Variants in VWA3A observed in about 807,000 individuals in gnomAD.
VWA3A encodes von Willebrand factor A domain-containing protein 3A.
VWA3A carries 134 observed loss-of-function variants against 160.4 expected under a neutral mutation model. That is an observed-to-expected ratio of 0.84 (90% confidence interval 0.73 to 0.96). VWA3A has a LOEUF of 0.96. Ranked by LOEUF, VWA3A falls within the 40% of genes least tolerant of loss-of-function variation. The pLI, the probability that VWA3A is intolerant of heterozygous loss-of-function variation, is 0.00. For missense variants in VWA3A, 1,310 were observed against 1,447.9 expected, an observed-to-expected ratio of 0.90 and a Z score of 1.55; for synonymous variants, 476 against 543.4, an observed-to-expected ratio of 0.88 and a Z score of 1.72.
intron 31 of VWA3A, among the ~76,000 whole-genome samples, chr16:22,153,867 G>T (rs1336576614): frequency 4.0e-5 from 6 of 151,872 alleles, no homozygotes; most frequent in South Asian, 2.1e-4. Flanking sequence ...AGCCTGCAGA[G>T]TAGCTGGGAT....
At position 22,142,666 on chromosome 16, in the gene VWA3A, A is replaced by T; in HGVS notation, c.2495-2A>T. Reference sequence around the variant, plus strand: ...GCAATGACCTCACTCTGCTTCTTCTAGGCTCAGTGTACAAGAAGTACCCTC... The same window carrying T: ...GCAATGACCTCACTCTGCTTCTTCTTGGCTCAGTGTACAAGAAGTACCCTC... On this transcript the variant is annotated splice_acceptor_variant, in intron 24 of 33. Coordinates refer to ENST00000389398, the MANE Select transcript of VWA3A (RefSeq NM_173615.5). LOFTEE classifies it high-confidence loss of function. 2 of 1,560,324 alleles carry T rather than the reference A, an allele frequency of 1.3e-6. No homozygotes were observed. Among genetic ancestry groups the T allele is most frequent in the Non-Finnish European group, 1.7e-6 (2 of 1,150,990 alleles).
At chr16:22,114,026 A>AG (rs1419517564) in intron 8 of VWA3A, among the ~76,000 whole-genome samples, 1 of 151,730 alleles carries the variant, frequency 6.6e-6, no homozygotes, top group African/African-American at 2.4e-5. Context: ...AATGGCTTTG[A>AG]GAAAAAAAAA....
intron 17 of VWA3A, among the ~76,000 whole-genome samples, chr16:22,128,323 T>C (rs1171382461): frequency 6.6e-6 from 1 of 152,204 alleles, no homozygotes; most frequent in Admixed American, 6.5e-5. Flanking sequence ...GAGACCAGTT[T>C]GACTATTGCA....
Position 22,116,796 on chromosome 16 carries a change from C to G in VWA3A, c.853C>G (p.Gln285Glu), listed in dbSNP as rs1480176831. Residue 285 changes from glutamine (Q) to glutamate (E), a missense_variant, in exon 10 of 34, where the codon CAG becomes GAG. Transcript: ENST00000389398. ...QPSEILSDYI[Q>E]QSTMGRDLII... ...TTCTGAAATCCTGTCTGACTACATC[C>G]AGCAGTCCACCATGGGAAGAGACCT... is the stretch of plus-strand genomic sequence containing the variant. 8 of 1,613,452 alleles carry G rather than the reference C, an allele frequency of 5.0e-6. No individual in the cohort carries two copies. Among genetic ancestry groups the G allele is most frequent in the Non-Finnish European group, 6.8e-6 (8 of 1,179,890 alleles).
At position 22,138,005 on chromosome 16, in the gene VWA3A, CT is replaced by C. The variant is rs2046075147; in HGVS notation, c.2140-353del. ...GATAACTAGATTTTTGTCCAGAATT[CT>C]TGTTAACTCTGTGATGACAGCTTCA... is the stretch of plus-strand genomic sequence containing the variant. On this transcript the variant is annotated intron_variant, in intron 21 of 33. Transcript: ENST00000389398. 3.9e-5 allele frequency among the ~76,000 whole-genome samples: 6 copies of C among 152,250 alleles called. No homozygotes were observed. In the South Asian group the frequency reaches 1.2e-3, roughly 32 times the overall value.
At chr16:22,107,957 T>C (rs1355860269) in intron 6 of VWA3A, among the ~76,000 whole-genome samples, 1 of 152,200 alleles carries the variant, frequency 6.6e-6, no homozygotes, top group Non-Finnish European at 1.5e-5. Context: ...TATAGTGTCC[T>C]GGAAGACATG....
chr16:22,096,159 G>GC (rs1406414237), intron 1 of VWA3A, among the ~76,000 whole-genome samples: 1 of 152,088 alleles, frequency 6.6e-6, no homozygotes, highest in Non-Finnish European at 1.5e-5. Context: ...GCATAGGACG[G>GC]CCCCCACAGC....
At chr16:22,142,939 T>C (rs955778756) in intron 25 of VWA3A, among the ~76,000 whole-genome samples, 174 bp downstream of exon 25, 2 of 151,932 alleles carry the variant, frequency 1.3e-5, no homozygotes, top group Admixed American at 6.6e-5. Context: ...TCACTTGAGG[T>C]CAGGAGTTCG....
intron 21 of VWA3A, among the ~76,000 whole-genome samples, chr16:22,136,843 T>C (rs1205640740): frequency 2.0e-5 from 3 of 151,330 alleles, no homozygotes; most frequent in Non-Finnish European, 4.4e-5. Context: ...CCATCCTGGC[T>C]AACATGGTGA....
At chr16:22,128,394 C>T (rs1398961329) in intron 17 of VWA3A, among the ~76,000 whole-genome samples, 8 of 151,972 alleles carry the variant, frequency 5.3e-5, no homozygotes, top group Non-Finnish European at 1.0e-4. Flanking sequence ...AGAAAGAGTG[C>T]GTGGCCAGTA....
Position 22,097,642 on chromosome 16 carries a change from A to C in VWA3A, c.172A>C (p.Asn58His), listed in dbSNP as rs781112090. The change falls in exon 3 of 34, where the codon AAT becomes CAT. Residue 58 changes from asparagine (N) to histidine (H), a missense_variant. Transcript: ENST00000389398. Reference protein sequence around the residue: ...KQKNMNGLGQNSDNGLLVTHV... With the variant: ...KQKNMNGLGQHSDNGLLVTHV... ...GAAGAATATGAATGGACTTGGGCAA[A>C]ATTCGGACAATGGATTATTGGTTAC... The C allele has an allele frequency of 1.9e-6, 3 of 1,551,716 alleles. No individual in the cohort carries two copies. Among genetic ancestry groups the C allele is most frequent in the Non-Finnish European group, 2.6e-6 (3 of 1,147,022 alleles).
At chr16:22,108,497 A>C (rs889477528) in intron 6 of VWA3A, among the ~76,000 whole-genome samples, 1 of 152,078 alleles carries the variant, frequency 6.6e-6, no homozygotes, top group African/African-American at 2.4e-5. Context: ...ATTTTTTTTA[A>C]TTCTCTCCAA....
intron 21 of VWA3A, among the ~76,000 whole-genome samples, chr16:22,135,579 GC>G (rs1045010493): frequency 6.6e-6 from 1 of 151,998 alleles, no homozygotes; most frequent in African/African-American, 2.4e-5. Context: ...GAGACCCAAG[GC>G]TTCAGAAGAA....
chr16:22,118,019 G>A (rs1307517733), intron 11 of VWA3A, among the ~76,000 whole-genome samples: 1 of 152,210 alleles, frequency 6.6e-6, no homozygotes, highest in Non-Finnish European at 1.5e-5. Flanking sequence ...GGTGGCTCAT[G>A]CCTGTAATCC....
intron 14 of VWA3A, 87 bp downstream of exon 14, chr16:22,121,704 G>A: frequency 9.5e-7 from 1 of 1,053,016 alleles, no homozygotes; most frequent in Non-Finnish European, 1.4e-6. Flanking sequence ...CTGGCAGTAA[G>A]AATCACCAGG....
At chr16:22,108,089 T>C (rs1222742775) in intron 6 of VWA3A, among the ~76,000 whole-genome samples, 1 of 152,150 alleles carries the variant, frequency 6.6e-6, no homozygotes, top group Non-Finnish European at 1.5e-5. Flanking sequence ...CAAAGGTCAT[T>C]GATCACCTTG....
At chr16:22,102,235 C>A (rs948748591) in intron 5 of VWA3A, among the ~76,000 whole-genome samples, 2 of 152,010 alleles carry the variant, frequency 1.3e-5, no homozygotes, top group African/African-American at 4.8e-5. Context: ...TCTATAGTTC[C>A]AGCTACTTAA....
rs2045385306 is a variant in VWA3A at position 22,100,141 on chromosome 16, CTTCCTTCCCTCTCT to C, written c.226-48_226-35del. 65 of 1,490,986 alleles carry C rather than the reference CTTCCTTCCCTCTCT, an allele frequency of 4.4e-5. No homozygotes were observed. In the South Asian group the frequency reaches 8.1e-4, roughly 18 times the overall value. The allele number at this position is 1,490,986 out of a possible 1,614,324, so 92.4% of individuals were successfully genotyped here. A position where few individuals can be genotyped will look rare whatever the true frequency, so the allele number is the denominator to read the frequency against. The stretch of plus-strand genomic sequence containing the variant: ...TTGGGTATCTGTGTGAAGGGAACCT[CTTCCTTCCCTCTCT>C]TTCCACTTCACGGTTTGACTCTGGC... On this transcript the variant is annotated intron_variant, in intron 3 of 33. Coordinates refer to ENST00000389398, the MANE Select transcript of VWA3A (RefSeq NM_173615.5).
chr16:22,104,895 C>G (rs908903479), intron 6 of VWA3A, among the ~76,000 whole-genome samples: 1 of 152,118 alleles, frequency 6.6e-6, no homozygotes, highest in East Asian at 1.9e-4. Context: ...AAAAGTCATG[C>G]TCCCTACTCC....
Sources: allele counts gnomAD v4.1 joint callset (sites outside exome capture counted in the v4.1 genomes callset), GRCh38; gene constraint gnomAD v4.1.1; transcripts MANE v1.5; gene names NCBI Gene and HGNC (gene_info 2026-07-23, HGNC 2026-07-21).